Variants in ADAMTSL1 observed in about 807,000 individuals in gnomAD.
ADAMTSL1 encodes the protein ADAMTS-like protein 1.
In ADAMTSL1, 126 loss-of-function variants were observed where a neutral mutation model predicts 201.8. That is an observed-to-expected ratio of 0.62 (90% CI 0.54 to 0.72). The LOEUF is 0.72. Among genes scored for constraint, ADAMTSL1 ranks in the 30% least tolerant of loss-of-function variants. ADAMTSL1 has a pLI of 0.00. For missense variants in ADAMTSL1, 2,679 were observed against 2,277.8 expected (o/e 1.18, Z -3.59); for synonymous variants, 1,121 against 903.4 (o/e 1.24, Z -4.32).
chr9:18,140,108 A>T (rs1826334540), intron 1 of ADAMTSL1, among the ~76,000 whole-genome samples: 1 of 152,168 alleles, frequency 6.6e-6, no homozygotes, highest in South Asian at 2.1e-4. Context: ...TGCACTGGGG[A>T]TGCAAAGCTA....
chr9:18,539,834 C>G (rs1441273224), intron 3 of ADAMTSL1, among the ~76,000 whole-genome samples: 1 of 152,128 alleles, frequency 6.6e-6, no homozygotes, highest in Non-Finnish European at 1.5e-5. Context: ...ATTAAATCAT[C>G]AGGACACAAA....
intron 2 of ADAMTSL1, among the ~76,000 whole-genome samples, chr9:18,169,177 GT>G (rs1365384183): frequency 6.6e-6 from 1 of 151,622 alleles, no homozygotes; most frequent in Non-Finnish European, 1.5e-5. Flanking sequence ...TGCTTTTGGT[GT>G]TTTAGGTATG....
intron 1 of ADAMTSL1, among the ~76,000 whole-genome samples, chr9:18,123,000 A>T (rs1387640225): frequency 6.6e-6 from 1 of 152,176 alleles, no homozygotes. Flanking sequence ...TGGCCTCCCA[A>T]AGTGCTGGGA....
intron 20 of ADAMTSL1, 129 bp from the exon 21 acceptor site, chr9:18,816,980 G>A (rs10963782): frequency 4.0e-6 from 5 of 1,238,044 alleles, no homozygotes; most frequent in Non-Finnish European, 5.4e-6. Flanking sequence ...TTTTTCAAGA[G>A]AAAACATAGT....
intron 4 of ADAMTSL1, among the ~76,000 whole-genome samples, chr9:18,582,328 A>G (rs1052386112): frequency 2.6e-5 from 4 of 152,196 alleles, no homozygotes; most frequent in African/African-American, 9.6e-5. Context: ...ACCAGGCTGT[A>G]GTCATCCATA....
chr9:18,897,181 G>A (rs1346492285), intron 26 of ADAMTSL1, among the ~76,000 whole-genome samples: 2 of 152,214 alleles, frequency 1.3e-5, no homozygotes, highest in African/African-American at 4.8e-5. Flanking sequence ...GGGAATTTCA[G>A]CAACTCCAAC....
chr9:18,871,412 T>A (rs1395525254), intron 23 of ADAMTSL1, among the ~76,000 whole-genome samples: 1 of 152,176 alleles, frequency 6.6e-6, no homozygotes, highest in Non-Finnish European at 1.5e-5. Context: ...TATCTCTTCT[T>A]CCTTCTTCAA....
At chr9:18,540,992 A>T (rs915813032) in intron 3 of ADAMTSL1, among the ~76,000 whole-genome samples, 4 of 152,132 alleles carry the variant, frequency 2.6e-5, no homozygotes, top group African/African-American at 9.7e-5. Flanking sequence ...CCATGCTTCA[A>T]TCTTTCCTGA....
At chr9:18,360,926 C>T (rs768193032) in intron 2 of ADAMTSL1, among the ~76,000 whole-genome samples, 43 of 152,002 alleles carry the variant, frequency 2.8e-4, no homozygotes, top group Non-Finnish European at 4.7e-4. Flanking sequence ...CTTTCCCTGC[C>T]GCCAAATAAA....
chr9:18,622,663 C>T (rs1382023703), intron 5 of ADAMTSL1: 2 of 539,714 alleles, frequency 3.7e-6, no homozygotes, highest in Non-Finnish European at 3.3e-6. Context: ...AACATGAGGA[C>T]AGACTGTATC....
At chr9:18,198,082 C>T (rs1829266210) in intron 2 of ADAMTSL1, among the ~76,000 whole-genome samples, 1 of 152,160 alleles carries the variant, frequency 6.6e-6, no homozygotes, top group African/African-American at 2.4e-5. Flanking sequence ...TGGATCCCTT[C>T]CTTACACCTT....
rs570550546 is a variant in ADAMTSL1 at position 18,690,668 on chromosome 9, G to A, written c.1574+5868G>A. ...TGAGCATTAGAATTATAAGATTAAA[G>A]AGCACTTAATTTTGAAAACTGGCAT... On this transcript the variant is annotated intron_variant, in intron 13 of 28. Transcript: ENST00000380548. 1.7e-3 allele frequency among the ~76,000 whole-genome samples: 264 copies of A among 152,300 alleles called. 2 individuals are homozygous for A. The highest frequency in any genetic ancestry group is 5.6e-3 in the South Asian group (27 of 4,828).
intron 5 of ADAMTSL1, among the ~76,000 whole-genome samples, chr9:18,623,207 T>C (rs143394537): frequency 1.5e-3 from 221 of 151,916 alleles, no homozygotes; most frequent in African/African-American, 4.9e-3. Context: ...TATGAAGCTT[T>C]TTATTGACCT....
At chr9:17,928,340 C>T (rs1826639506) in intron 1 of ADAMTSL1, among the ~76,000 whole-genome samples, 1 of 152,062 alleles carries the variant, frequency 6.6e-6, no homozygotes, top group Admixed American at 6.6e-5. Context: ...CCTCTTGAGA[C>T]TTCTAGTTTA....
intron 1 of ADAMTSL1, among the ~76,000 whole-genome samples, chr9:18,494,663 C>T (rs373110745): frequency 2.6e-5 from 4 of 152,144 alleles, no homozygotes; most frequent in East Asian, 1.9e-4. Context: ...GTTTATGAAG[C>T]GTCTTGTATG....
intron 2 of ADAMTSL1, among the ~76,000 whole-genome samples, chr9:18,412,667 T>G (rs1818496679): frequency 6.6e-6 from 1 of 152,194 alleles, no homozygotes. Context: ...TTGATGTGTT[T>G]CCATCCAACA....
At chr9:18,215,089 G>A (rs1830013750) in intron 2 of ADAMTSL1, among the ~76,000 whole-genome samples, 1 of 152,122 alleles carries the variant, frequency 6.6e-6, no homozygotes, top group South Asian at 2.1e-4. Flanking sequence ...GAATGAGATG[G>A]CGATTGGAAT....
At chr9:18,509,683 G>A (rs372903970) in intron 2 of ADAMTSL1, among the ~76,000 whole-genome samples, 2 of 152,186 alleles carry the variant, frequency 1.3e-5, no homozygotes, top group Non-Finnish European at 2.9e-5. Context: ...AATTCCCAGT[G>A]CAAAGCCTGT....
In ADAMTSL1 at chr9:18,246,266, C is replaced by A. The variant is rs1587389470; in HGVS notation, c.207+82285C>A. On this transcript the variant is annotated intron_variant, in intron 2 of 29. Coordinates refer to the ADAMTSL1 transcript ENST00000680146. ...AATTGGGTTAATTTCTGCATGTAAT[C>A]CAACAGTGATTTAATCTTTCATTCT... Among the ~76,000 whole-genome samples, 3 of 152,210 alleles carry A rather than the reference C, an allele frequency of 2.0e-5. No homozygotes were observed. In the East Asian group the frequency reaches 5.8e-4, roughly 29 times the overall value.
Sources: allele counts gnomAD v4.1 joint callset (sites outside exome capture counted in the v4.1 genomes callset), GRCh38; gene constraint gnomAD v4.1.1; transcripts MANE v1.5; gene names NCBI Gene and HGNC (gene_info 2026-07-23, HGNC 2026-07-21).